The following ZNF17 variants were observed in gnomAD, a reference collection of about 807,000 sequenced individuals.
ZNF17 encodes the protein zinc finger protein 17 (HPF3, KOX 10).
ZNF17 carries 4 observed loss-of-function variants against 7.7 expected under a neutral mutation model. The ratio of observed to expected loss-of-function variants is 0.52; its 90% CI spans 0.26 to 1.20. ZNF17 has a LOEUF of 1.20. ZNF17 is among the 50% of genes most tolerant of loss of function. The pLI is 0.14. For synonymous variants in ZNF17, 249 were observed against 258.8 expected (o/e 0.96, Z 0.36); for missense variants, 738 against 799.5 (o/e 0.92, Z 0.93).
Position 57,421,306 on chromosome 19 carries a change from C to T in ZNF17, c.1820C>T (p.Thr607Ile). The T allele has an allele frequency of 1.2e-6, 2 of 1,614,102 alleles. No homozygotes were observed. The highest frequency in any genetic ancestry group is 1.7e-6 in the Non-Finnish European group (2 of 1,180,020). The change falls in exon 4 of 4, where the codon ACT (threonine) becomes ATT (isoleucine). Residue 607 changes from threonine to isoleucine, a missense_variant. Around this residue, in one of 3 missense-constraint regions of ZNF17, gnomAD observed 116 missense variants for 114.0 expected, o/e 1.02. Coordinates refer to ENST00000307658, the MANE Select transcript of ZNF17 (RefSeq NM_001330617.2). ...STLISHERVH[T>I]GEKPYECSEC... ...CTCATTAGTCATGAGAGAGTTCATA[C>T]TGGAGAAAAGCCTTATGAGTGCAGT...
At chr19:57,418,889 T>C (rs933883962) in intron 3 of ZNF17, among the ~76,000 whole-genome samples, 3 of 145,254 alleles carry the variant, frequency 2.1e-5, no homozygotes, top group African/African-American at 5.5e-5. Context: ...TTTTGTTTTT[T>C]TTTTGTTTTT....
At position 57,420,512 on chromosome 19, in the gene ZNF17, G is replaced by T; in HGVS notation, c.1026G>T (p.Met342Ile). 6.2e-7 allele frequency: 1 copy of T among 1,613,958 alleles called. No homozygotes were observed. Among genetic ancestry groups the T allele is most frequent in the Non-Finnish European group, 8.5e-7 (1 of 1,180,006 alleles). The change falls in exon 4 of 4, where the codon ATG becomes ATT. Residue 342 changes from methionine to isoleucine, a missense_variant. Physicochemically the swap from Met to Ile is conservative, Grantham distance 10. Around this residue, in one of 3 missense-constraint regions of ZNF17, gnomAD observed 616 missense variants for 663.9 expected, o/e 0.93. Transcript: ENST00000307658. The part of the protein sequence containing the change: ...YGCNECGKYF[M>I]YSSALIRHQK... ...GCAATGAATGTGGGAAATACTTTAT[G>T]TACAGTTCAGCACTCATTAGACATC...
rs182392848 is a variant in ZNF17 at position 57,414,872 on chromosome 19, G to A, written c.21+1236G>A. Reference sequence around the variant, plus strand: ...ATTACAGGCACCTGCCATCATGCCCGGCTAACTTTTTTTTGTATTTTTTAG... The same window carrying A: ...ATTACAGGCACCTGCCATCATGCCCAGCTAACTTTTTTTTGTATTTTTTAG... On this transcript the variant is annotated intron_variant, in intron 2 of 3. Coordinates refer to ENST00000307658, the MANE Select transcript of ZNF17 (RefSeq NM_001330617.2). 8.0e-3 allele frequency among the ~76,000 whole-genome samples: 1,208 copies of A among 151,814 alleles called. 8 individuals carry two copies. Among genetic ancestry groups the A allele is most frequent in the Non-Finnish European group, 0.013 (913 of 67,966 alleles).
intron 1 of ZNF17, chr19:57,413,374 C>T (rs1038079777): frequency 9.1e-5 from 49 of 540,480 alleles, no homozygotes; most frequent in African/African-American, 7.7e-4. Context: ...ATTTGATGCC[C>T]ATATAAGCCC....
At chr19:57,413,508 C>A in intron 1 of ZNF17, 88 bp from the exon 2 acceptor site, 1 of 1,428,430 alleles carries the variant, frequency 7.0e-7, no homozygotes, top group South Asian at 1.2e-5. Flanking sequence ...TAACTTTGCT[C>A]TAGTTGCAGG....
intron 1 of ZNF17, 101 bp downstream of exon 1, chr19:57,411,507 G>A: frequency 6.6e-7 from 1 of 1,515,254 alleles, no homozygotes; most frequent in Non-Finnish European, 8.8e-7. Flanking sequence ...CCAAAGAGAG[G>A]AGCGTTCTTG....
chr19:57,416,656 C>T (rs1009222020), intron 2 of ZNF17, among the ~76,000 whole-genome samples: 2 of 151,994 alleles, frequency 1.3e-5, no homozygotes, highest in Non-Finnish European at 2.9e-5. Context: ...ATTACAGGTG[C>T]CTGCCACCAT....
At chr19:57,418,771 C>T (rs1231715290) in intron 3 of ZNF17, among the ~76,000 whole-genome samples, 3 of 152,224 alleles carry the variant, frequency 2.0e-5, no homozygotes, top group Non-Finnish European at 2.9e-5. Flanking sequence ...GTGGCCACAC[C>T]GCATGTCTCT....
rs992088374 is a variant in ZNF17 at position 57,420,347 on chromosome 19, A to G, written c.861A>G (p.Arg287=). ...ECSECGKAFL[R]KSHLLQHQRI... ...GTGAATGTGGGAAAGCTTTTCTTAG[A>G]AAGTCTCACCTACTTCAGCACCAGA... Residue 287 remains arginine (R), a synonymous_variant, in exon 4 of 4, where the codon AGA becomes AGG. Transcript: ENST00000307658. 5 of 1,613,192 alleles carry G rather than the reference A, an allele frequency of 3.1e-6. No homozygotes were observed. The African/African-American group carries it at 5.4e-5, about 17-fold the overall frequency.
chr19:57,414,657 G>A (rs568117287), intron 2 of ZNF17, among the ~76,000 whole-genome samples: 7 of 151,840 alleles, frequency 4.6e-5, no homozygotes, highest in South Asian at 4.2e-4. Context: ...TAATCTGAGG[G>A]GGGTAGTAGC....
intron 1 of ZNF17, chr19:57,411,688 G>A (rs2088777942): frequency 7.5e-7 from 1 of 1,331,494 alleles, no homozygotes. Flanking sequence ...CAGCGGAGCT[G>A]CTGAAAGCCG....
At position 57,417,999 on chromosome 19, in the gene ZNF17, G is replaced by A. The variant is rs905750583; in HGVS notation, c.109G>A (p.Asp37Asn). The A allele has an allele frequency of 7.4e-6, 12 of 1,614,006 alleles. No homozygotes were observed. Among genetic ancestry groups the A allele is most frequent in the Admixed American group, 1.7e-5 (1 of 59,982 alleles). ...LNDVQRHLHS[D>N]VMLENFALLS... Reference sequence around the variant, plus strand: ...TGACGTTCAGAGACACCTGCACAGCGATGTGATGCTGGAGAACTTTGCACT... The same window carrying A: ...TGACGTTCAGAGACACCTGCACAGCAATGTGATGCTGGAGAACTTTGCACT... Residue 37 changes from aspartate (D) to asparagine (N), a missense_variant, in exon 3 of 4, where the codon GAT becomes AAT. Around this residue, in one of 3 missense-constraint regions of ZNF17, gnomAD observed 616 missense variants for 663.9 expected, o/e 0.93. Transcript: ENST00000307658.
At position 57,421,401 on chromosome 19, in the gene ZNF17, C is replaced by T; in HGVS notation, c.1915C>T (p.Pro639Ser). Residue 639 changes from proline (P) to serine (S), a missense_variant, in exon 4 of 4, where the codon CCT (proline) becomes TCT (serine). Pro to Ser is a moderately conservative substitution (Grantham distance 74). Transcript: ENST00000307658. ...KHRRIHTGER[P>S]YQCSECGRVF... ...TCGGAGAATTCACACTGGAGAGAGA[C>T]CTTATCAGTGCAGTGAATGTGGAAG... The T allele has an allele frequency of 2.5e-6, 4 of 1,614,108 alleles. No homozygotes were observed. The South Asian group carries it at 4.4e-5, about 18-fold the overall frequency.
chr19:57,411,379 G>T lies in ZNF17; in HGVS notation c.-48G>T, dbSNP rs749684687. 3.7e-6 allele frequency: 6 copies of T among 1,612,410 alleles called. No homozygotes were observed. The highest frequency in any genetic ancestry group is 5.1e-6 in the Non-Finnish European group (6 of 1,179,446). On this transcript the variant is annotated 5_prime_UTR_variant, in exon 1 of 4. Transcript: ENST00000307658. ...CCCGCTCTTCCCTGGCTGTGCTGGC[G>T]GAGGCTGCGCCGATGAACCTGACTG... is the stretch of plus-strand genomic sequence containing the variant.
intron 3 of ZNF17, among the ~76,000 whole-genome samples, chr19:57,418,750 T>C (rs1042332175): frequency 6.6e-6 from 1 of 152,176 alleles, no homozygotes; most frequent in Non-Finnish European, 1.5e-5. Flanking sequence ...TCCAGTTTGA[T>C]GCCCCTGCCA....
In ZNF17 at chr19:57,417,989, C is replaced by G. The variant is rs768135558; in HGVS notation, c.99C>G (p.His33Gln). 3.1e-6 allele frequency: 5 copies of G among 1,614,126 alleles called. No individual in the cohort carries two copies. The South Asian group carries it at 5.5e-5, about 18-fold the overall frequency. ...GAATTCTTAATGACGTTCAGAGACA[C>G]CTGCACAGCGATGTGATGCTGGAGA... The part of the protein sequence containing the change: ...EWGILNDVQR[H>Q]LHSDVMLENF... The change falls in exon 3 of 4, where the codon CAC becomes CAG. Residue 33 changes from histidine (H) to glutamine (Q), a missense_variant. Physicochemically the swap from His to Gln is conservative, Grantham distance 24. Coordinates refer to ENST00000307658, the MANE Select transcript of ZNF17 (RefSeq NM_001330617.2).
chr19:57,411,485 GGCCCCTGTGT>G, intron 1 of ZNF17, 79 bp downstream of exon 1: 1 of 1,567,706 alleles, frequency 6.4e-7, no homozygotes, highest in Non-Finnish European at 8.6e-7. Flanking sequence ...CTGCAGGTCA[GGCCCCTGTGT>G]CCCAAAGAGA....
At chr19:57,416,555 G>A (rs1258985445) in intron 2 of ZNF17, among the ~76,000 whole-genome samples, 1 of 151,908 alleles carries the variant, frequency 6.6e-6, no homozygotes, top group East Asian at 1.9e-4. Context: ...CTGTTGCCCA[G>A]GATGGAGTGC....
chr19:57,413,499 A>G (rs1291892846), intron 1 of ZNF17, 97 bp from the exon 2 acceptor site: 12 of 1,313,306 alleles, frequency 9.1e-6, no homozygotes, highest in Non-Finnish European at 1.3e-5. Context: ...ACCCTCAGAT[A>G]ACTTTGCTCT....
Sources: allele counts gnomAD v4.1 joint callset (sites outside exome capture counted in the v4.1 genomes callset), GRCh38; gene constraint gnomAD v4.1.1; regional missense constraint gnomAD v4.1.1; transcripts MANE v1.5; gene names NCBI Gene and HGNC (gene_info 2026-07-23, HGNC 2026-07-21).